Variants in TBX6 observed in about 807,000 individuals in gnomAD.
TBX6 encodes T-box transcription factor 6.
Under a neutral mutation model 42.3 loss-of-function variants are expected in TBX6, and 29 were observed. The ratio of observed to expected loss-of-function variants is 0.69; its 90% CI spans 0.51 to 0.93. TBX6 has a LOEUF of 0.93. TBX6 is among the 40% of genes least tolerant of loss of function. The pLI is 0.00. For missense variants in TBX6, 569 were observed against 603.3 expected (o/e 0.94, Z 0.59); for synonymous variants, 249 against 245.1 (o/e 1.02, Z -0.15).
rs114422262 is a variant in TBX6 at position 30,089,881 on chromosome 16, C to T, written c.354-671G>A. Among the ~76,000 whole-genome samples, 1,052 of 138,792 alleles carry T rather than the reference C, an allele frequency of 7.6e-3. 12 individuals carry two copies. The highest frequency in any genetic ancestry group is 0.028 in the African/African-American group (1,007 of 36,526). The allele number at this position is 138,792 out of a possible 152,430, so 91.1% of individuals were successfully genotyped here. A position where few individuals can be genotyped will look rare whatever the true frequency, so the allele number is the denominator to read the frequency against. Reference sequence around the variant, plus strand: ...GGAAGCAGAGGTTGCGGTGAGCTGACGAGATCGTGCCACTACACTCTAGCC... The same window carrying T: ...GGAAGCAGAGGTTGCGGTGAGCTGATGAGATCGTGCCACTACACTCTAGCC... On this transcript the variant is annotated intron_variant, in intron 3 of 8. Coordinates refer to ENST00000395224, the MANE Select transcript of TBX6 (RefSeq NM_004608.4).
chr16:30,087,774 T>C (rs2072658222), intron 6 of TBX6: 1 of 152,488 alleles, frequency 6.6e-6, no homozygotes, highest in African/African-American at 2.4e-5. Flanking sequence ...CTCCCGTACT[T>C]CCTTCAGCTC....
Position 30,086,134 on chromosome 16 carries a change from G to T in TBX6, c.*91C>A. 3 of 1,424,180 alleles carry T rather than the reference G, an allele frequency of 2.1e-6. No homozygotes were observed. Among genetic ancestry groups the T allele is most frequent in the Middle Eastern group, 2.5e-4 (1 of 4,010 alleles). The allele number at this position is 1,424,180 out of a possible 1,614,324, so 88.2% of individuals were successfully genotyped here. A position where few individuals can be genotyped will look rare whatever the true frequency, so the allele number is the denominator to read the frequency against. ...CAGGCCCAAGGCGGCCATTTGGTGTGGGGGATGGGGCCGGTGGAGGTGAGG... is the reference window on the plus strand; with the variant it reads ...CAGGCCCAAGGCGGCCATTTGGTGTTGGGGATGGGGCCGGTGGAGGTGAGG... On this transcript the variant is annotated 3_prime_UTR_variant, in exon 9 of 9. Transcript: ENST00000395224. The surrounding 1 kb of genome is among the most constrained non-coding windows in gnomAD (Gnocchi z 4.6).
rs1473847758 is a variant in TBX6 at position 30,088,505 on chromosome 16, A to G, written c.839+40T>C. 4 of 1,613,950 alleles carry G rather than the reference A, an allele frequency of 2.5e-6. No homozygotes were observed. The South Asian group carries it at 4.4e-5, about 18-fold the overall frequency. On this transcript the variant is annotated intron_variant, in intron 6 of 8. Transcript: ENST00000395224. This position sits in a 1 kb window ranked among gnomAD's most constrained non-coding sequence, Gnocchi z 4.1. ...GGCACACAGTGAGTGATTAATAAAC[A>G]TTTGTTGAATGCATGAACAAATGAA...
chr16:30,088,201 G>A lies in TBX6; in HGVS notation c.839+344C>T, dbSNP rs1055124205. On this transcript the variant is annotated intron_variant, in intron 6 of 8. Transcript: ENST00000395224. The surrounding 1 kb of genome is among the most constrained non-coding windows in gnomAD (Gnocchi z 4.1). ...GATCTGCCCGCCTCAGCCTCCCAGA[G>A]TGCTGGGATTACATGCGTGAGCCAC... 1 of 344,976 alleles carries A rather than the reference G, an allele frequency of 2.9e-6. No individual in the cohort carries two copies. Among genetic ancestry groups the A allele is most frequent in the Non-Finnish European group, 5.6e-6 (1 of 179,240 alleles). The allele number at this position is 344,976 out of a possible 1,614,324, so 21.4% of individuals were successfully genotyped here.
chr16:30,087,245 A>T (rs2072650765), intron 6 of TBX6, among the ~76,000 whole-genome samples: 1 of 151,728 alleles, frequency 6.6e-6, no homozygotes, highest in Non-Finnish European at 1.5e-5. Flanking sequence ...AAAATTTGAG[A>T]TGGGGTCTTG....
chr16:30,086,059 A>C lies in TBX6; in HGVS notation c.*166T>G. The C allele has an allele frequency of 5.1e-6, 3 of 591,268 alleles. No individual in the cohort carries two copies. Among genetic ancestry groups the C allele is most frequent in the Non-Finnish European group, 5.5e-6 (2 of 364,952 alleles). The allele number at this position is 591,268 out of a possible 1,614,324, so 36.6% of individuals were successfully genotyped here. On this transcript the variant is annotated 3_prime_UTR_variant, in exon 9 of 9. Coordinates refer to ENST00000395224, the MANE Select transcript of TBX6 (RefSeq NM_004608.4). The surrounding 1 kb of genome is among the most constrained non-coding windows in gnomAD (Gnocchi z 4.6). ...GCAGCCTTGGTTAGGCTTTGAAGCC[A>C]GAGGGGGGTGGGAGTGAAATCAAGG...
chr16:30,088,346 G>A lies in TBX6; in HGVS notation c.839+199C>T. ...CAGCTGCATGAGGGCCGGGGCTTTG[G>A]TTTGCTTTGTTTGTTTTATCTCCAG... On this transcript the variant is annotated intron_variant, in intron 6 of 8. Transcript: ENST00000395224. The surrounding 1 kb of genome is among the most constrained non-coding windows in gnomAD (Gnocchi z 4.1). 5 of 728,580 alleles carry A rather than the reference G, an allele frequency of 6.9e-6. No individual in the cohort carries two copies. Among genetic ancestry groups the A allele is most frequent in the Non-Finnish European group, 1.1e-5 (5 of 437,696 alleles). The allele number at this position is 728,580 out of a possible 1,614,324, so 45.1% of individuals were successfully genotyped here.
In TBX6 at chr16:30,087,715, G is replaced by A. The variant is rs539207073; in HGVS notation, c.839+830C>T. Among the ~76,000 whole-genome samples the A allele has an allele frequency of 2.6e-5, 4 of 152,110 alleles. No individual in the cohort carries two copies. The East Asian group carries it at 7.7e-4, about 29-fold the overall frequency. On this transcript the variant is annotated intron_variant, in intron 6 of 8. Transcript: ENST00000395224. ...CAGCCCCACCTCAGGGCCTTTGCAC[G>A]TGCTGTTCCCACTCCCTAGTGTGCT...
Position 30,088,528 on chromosome 16 carries a change from G to T in TBX6, c.839+17C>A. On this transcript the variant is annotated intron_variant, in intron 6 of 8. Coordinates refer to ENST00000395224, the MANE Select transcript of TBX6 (RefSeq NM_004608.4). This position sits in a 1 kb window ranked among gnomAD's most constrained non-coding sequence, Gnocchi z 4.1. ...ACATTTGTTGAATGCATGAACAAATGAATGAACAACTCCCACCTCTTACAG... is the reference window on the plus strand; with the variant it reads ...ACATTTGTTGAATGCATGAACAAATTAATGAACAACTCCCACCTCTTACAG... 1 of 1,614,120 alleles carries T rather than the reference G, an allele frequency of 6.2e-7. No homozygotes were observed. The highest frequency in any genetic ancestry group is 8.5e-7 in the Non-Finnish European group (1 of 1,180,008).
In TBX6 at chr16:30,089,013, T is replaced by C. The variant is rs2151032721; in HGVS notation, c.551A>G (p.His184Arg). The part of the protein sequence containing the change: ...IHPDSPATGA[H>R]WMRQPVSFHR... ...GAAAGACACAGGCTGCCGCATCCAA[T>C]GTGCACCAGTGGCAGGAGAGTCGGG... Residue 184 changes from histidine to arginine, a missense_variant, in exon 4 of 9, where the codon CAT becomes CGT. This residue lies in a region of TBX6 where 190 missense variants were observed against 250.6 expected (regional missense o/e 0.76). Transcript: ENST00000395224. The C allele has an allele frequency of 6.2e-7, 1 of 1,613,876 alleles. No homozygotes were observed. The highest frequency in any genetic ancestry group is 8.5e-7 in the Non-Finnish European group (1 of 1,179,878).
intron 1 of TBX6, 184 bp from the exon 2 acceptor site, chr16:30,091,425 G>A (rs1290254962): frequency 1.0e-5 from 5 of 485,488 alleles, no homozygotes; most frequent in African/African-American, 8.1e-5. Context: ...ACCCCGGGAG[G>A]CTTCATTAGC....
rs980956426 is a variant in TBX6, at chr16:30,086,064, G to C, written c.*161C>G. The C allele has an allele frequency of 4.5e-6, 3 of 670,596 alleles. No individual in the cohort carries two copies. Among genetic ancestry groups the C allele is most frequent in the African/African-American group, 1.9e-5 (1 of 52,382 alleles). The allele number at this position is 670,596 out of a possible 1,614,324, so 41.5% of individuals were successfully genotyped here. A position where few individuals can be genotyped will look rare whatever the true frequency, so the allele number is the denominator to read the frequency against. ...CTTGGTTAGGCTTTGAAGCCAGAGG[G>C]GGGTGGGAGTGAAATCAAGGTGTGA... On this transcript the variant is annotated 3_prime_UTR_variant, in exon 9 of 9. Coordinates refer to ENST00000395224, the MANE Select transcript of TBX6 (RefSeq NM_004608.4). This position sits in a 1 kb window ranked among gnomAD's most constrained non-coding sequence, Gnocchi z 4.6.
At chr16:30,087,117 C>T (rs947535804) in intron 6 of TBX6, among the ~76,000 whole-genome samples, 4 of 152,208 alleles carry the variant, frequency 2.6e-5, no homozygotes, top group African/African-American at 9.6e-5. Flanking sequence ...AGTGGCAAGG[C>T]CAGGGCACAG....
In TBX6 at chr16:30,088,544, C is replaced by T; in HGVS notation, c.839+1G>A. On this transcript the variant is annotated splice_donor_variant, in intron 6 of 8. Coordinates refer to ENST00000395224, the MANE Select transcript of TBX6 (RefSeq NM_004608.4). LOFTEE classifies it high-confidence loss of function. The surrounding 1 kb of genome is among the most constrained non-coding windows in gnomAD (Gnocchi z 4.1). Reference sequence around the variant, plus strand: ...TGAACAAATGAATGAACAACTCCCACCTCTTACAGTTTCTGCCGTTCTCCC... The same window carrying T: ...TGAACAAATGAATGAACAACTCCCATCTCTTACAGTTTCTGCCGTTCTCCC... The T allele has an allele frequency of 6.2e-7, 1 of 1,614,208 alleles. No homozygotes were observed. The highest frequency in any genetic ancestry group is 1.1e-5 in the South Asian group (1 of 91,082).
chr16:30,091,198 T>C lies in TBX6; in HGVS notation c.-5A>G. ...CAATTCTCGTGGATGGTACATGTTG[T>C]AGTTCCGTCTGGCCTCAGGTCTCGC... On this transcript the variant is annotated 5_prime_UTR_variant, in exon 2 of 9. Coordinates refer to ENST00000395224, the MANE Select transcript of TBX6 (RefSeq NM_004608.4). 1.3e-6 allele frequency: 2 copies of C among 1,558,658 alleles called. No individual in the cohort carries two copies. Among genetic ancestry groups the C allele is most frequent in the Non-Finnish European group, 1.7e-6 (2 of 1,154,346 alleles).
Position 30,086,879 on chromosome 16 carries a change from GATGATGGTGATGGCC to G in TBX6, c.840-43_840-29del. 1 of 1,602,670 alleles carries G rather than the reference GATGATGGTGATGGCC, an allele frequency of 6.2e-7. No individual in the cohort carries two copies. The highest frequency in any genetic ancestry group is 2.2e-5 in the East Asian group (1 of 44,610). On this transcript the variant is annotated intron_variant, in intron 6 of 8. Coordinates refer to ENST00000395224, the MANE Select transcript of TBX6 (RefSeq NM_004608.4). The surrounding 1 kb of genome is among the most constrained non-coding windows in gnomAD (Gnocchi z 4.6). ...GGGGAACAGTGGTGGTGATGATGATGATGATGGTGATGGCCATGGTGATGGTAACAGTACTTACCC... is the reference window on the plus strand; with the variant it reads ...GGGGAACAGTGGTGGTGATGATGATGATGGTGATGGTAACAGTACTTACCC...
chr16:30,088,897 T>G lies in TBX6; in HGVS notation c.621+46A>C. 2 of 1,603,758 alleles carry G rather than the reference T, an allele frequency of 1.2e-6. No homozygotes were observed. The highest frequency in any genetic ancestry group is 1.3e-5 in the African/African-American group (1 of 74,854). On this transcript the variant is annotated intron_variant, in intron 4 of 8. Coordinates refer to ENST00000395224, the MANE Select transcript of TBX6 (RefSeq NM_004608.4). The surrounding 1 kb of genome is among the most constrained non-coding windows in gnomAD (Gnocchi z 4.1). The stretch of plus-strand genomic sequence containing the variant: ...CCTGCGCCTCACCCTTGGCCTCCCT[T>G]CCAGCACCCCCCAACCCTATCCTGG...
At position 30,091,076 on chromosome 16, in the gene TBX6, C is replaced by G. The variant is rs768918794; in HGVS notation, c.118G>C (p.Glu40Gln). 7.6e-6 allele frequency: 12 copies of G among 1,583,822 alleles called. No individual in the cohort carries two copies. Among genetic ancestry groups the G allele is most frequent in the South Asian group, 1.1e-5 (1 of 87,464 alleles). The change falls in exon 2 of 9, where the codon GAA becomes CAA. Residue 40 changes from glutamate to glutamine, a missense_variant and splice_region_variant. By Grantham distance (29) the Glu-to-Gln change is conservative. Around this residue, in one of 3 missense-constraint regions of TBX6, gnomAD observed 134 missense variants for 125.3 expected, o/e 1.07. Coordinates refer to ENST00000395224, the MANE Select transcript of TBX6 (RefSeq NM_004608.4). ...CCCAGGAGCTGGTCCCAACGCTCAC[C>G]GGGGTAGCGGTAGCCCTCCGCTAGG... is the stretch of plus-strand genomic sequence containing the variant. ...PALAEGYRYP[E>Q]LDTPKLDCFL...
At position 30,089,067 on chromosome 16, in the gene TBX6, G is replaced by C. The variant is rs1326450134; in HGVS notation, c.497C>G (p.Pro166Arg). The C allele has an allele frequency of 6.2e-7, 1 of 1,613,886 alleles. No homozygotes were observed. Among genetic ancestry groups the C allele is most frequent in the Admixed American group, 1.7e-5 (1 of 60,026 alleles). ...AATGTAGACACGGTCAGGCAGGCGGGGCTCTGCCTTGCCGCTGGGCTCCCA... is the reference window on the plus strand; with the variant it reads ...AATGTAGACACGGTCAGGCAGGCGGCGCTCTGCCTTGCCGCTGGGCTCCCA... ...RRWEPSGKAEPRLPDRVYIHP... is the reference protein window; with the variant it reads ...RRWEPSGKAERRLPDRVYIHP... The change falls in exon 4 of 9, where the codon CCC becomes CGC. Residue 166 changes from proline (P) to arginine (R), a missense_variant. Transcript: ENST00000395224.
Sources: allele counts gnomAD v4.1 joint callset (sites outside exome capture counted in the v4.1 genomes callset), GRCh38; gene constraint gnomAD v4.1.1; regional missense constraint gnomAD v4.1.1; non-coding constraint Gnocchi (gnomAD v3.1); transcripts MANE v1.5; gene names NCBI Gene and HGNC (gene_info 2026-07-23, HGNC 2026-07-21).